The following UPRT variants were observed in gnomAD, a reference collection of about 807,000 sequenced individuals.
UPRT encodes the protein uracil phosphoribosyltransferase homolog.
UPRT carries 5 observed loss-of-function variants against 22.6 expected under a neutral mutation model. That is an observed-to-expected ratio of 0.22 (90% CI 0.12 to 0.47). UPRT has a LOEUF of 0.47. UPRT is among the 20% of genes least tolerant of loss of function. The probability of loss-of-function intolerance (pLI) is 0.99; values close to 1 mark genes in which losing one functional copy is unlikely to be tolerated. For synonymous variants in UPRT, 77 were observed against 87.7 expected (o/e 0.88, Z 0.68); for missense variants, 181 against 239.9 (o/e 0.75, Z 1.62).
At chrX:75,200,285 A>G (rs772497138) in intron 4 of UPRT, among the ~76,000 whole-genome samples, 1 of 112,508 alleles carries the variant, frequency 8.9e-6, no homozygotes, top group South Asian at 3.7e-4. Flanking sequence ...TACAAGGTAC[A>G]TATTGCTGTC....
chrX:75,239,687 G>A (rs1193893728), intron 4 of UPRT, among the ~76,000 whole-genome samples: 1 of 111,375 alleles, frequency 9.0e-6, no homozygotes, highest in Non-Finnish European at 1.9e-5. Context: ...GAACATAGAT[G>A]TAAATATCCT....
intron 4 of UPRT, among the ~76,000 whole-genome samples, chrX:75,252,805 A>G (rs991583170): frequency 1.9e-4 from 21 of 112,497 alleles, no homozygotes; most frequent in Non-Finnish European, 3.9e-4. Context: ...ATGTCCAACA[A>G]TGATAGACTA....
intron 2 of UPRT, 70 bp downstream of exon 2, chrX:75,293,584 A>G (rs954599724): frequency 1.5e-5 from 16 of 1,068,921 alleles, no homozygotes; most frequent in Non-Finnish European, 1.4e-5. Flanking sequence ...ACCAAGGGAT[A>G]TTTTTGTTCT....
intron 4 of UPRT, among the ~76,000 whole-genome samples, chrX:75,298,046 A>T (rs1295614713): frequency 1.9e-5 from 2 of 107,015 alleles, no homozygotes; most frequent in Non-Finnish European, 3.8e-5. Context: ...TGGCGTGATC[A>T]TAGCTCGCTG....
At chrX:75,179,053 G>A (rs1051244809) in intron 4 of UPRT, among the ~76,000 whole-genome samples, 9 of 111,745 alleles carry the variant, frequency 8.1e-5, no homozygotes, top group Admixed American at 3.8e-4. Flanking sequence ...CGACACACAG[G>A]TTCTCTAAGG....
chrX:75,178,000 G>A (rs1237464372), intron 4 of UPRT, among the ~76,000 whole-genome samples: 4 of 112,479 alleles, frequency 3.6e-5, no homozygotes, highest in East Asian at 2.8e-4. Context: ...ATAGATGGGC[G>A]AGTCTCGCTT....
intron 4 of UPRT, among the ~76,000 whole-genome samples, chrX:75,200,961 C>A (rs191732841): frequency 0.01 from 1,148 of 111,762 alleles, 64 homozygotes; most frequent in Admixed American, 0.099. Context: ...ACAAAACAAA[C>A]AAACAAAAAA....
At chrX:75,210,562 T>C (rs1351650998) in intron 4 of UPRT, among the ~76,000 whole-genome samples, 1 of 98,683 alleles carries the variant, frequency 1.0e-5, no homozygotes, top group Non-Finnish European at 2.0e-5. Context: ...AAAAGGGGGT[T>C]GGGTGTGAGA....
At chrX:75,302,456 G>A (rs1420809682) in intron 6 of UPRT, among the ~76,000 whole-genome samples, 1 of 110,699 alleles carries the variant, frequency 9.0e-6, no homozygotes, top group African/African-American at 3.3e-5. Context: ...TAGTTTGACA[G>A]GGTAATTAAA....
chrX:75,287,787 AC>A, intron 1 of UPRT, among the ~76,000 whole-genome samples: 1 of 111,587 alleles, frequency 9.0e-6, no homozygotes. Context: ...GAAAAAACTA[AC>A]CCCAAAGCTA....
intron 4 of UPRT, among the ~76,000 whole-genome samples, chrX:75,168,560 C>T (rs1228037468): frequency 3.6e-5 from 4 of 111,014 alleles, no homozygotes; most frequent in Non-Finnish European, 7.6e-5. Flanking sequence ...CGGAGTTTCG[C>T]TCTTTGTTGC....
intron 4 of UPRT, among the ~76,000 whole-genome samples, chrX:75,234,211 G>A (rs1378569831): frequency 9.0e-6 from 1 of 111,291 alleles, no homozygotes; most frequent in African/African-American, 3.3e-5. Flanking sequence ...AATGGTAAAG[G>A]GATCGATTCA....
intron 4 of UPRT, among the ~76,000 whole-genome samples, chrX:75,182,658 C>T (rs145924960): frequency 0.011 from 1,262 of 111,652 alleles, 15 homozygotes; most frequent in African/African-American, 0.039. Flanking sequence ...ATAACAGTCT[C>T]TCTGTGTTTT....
At chrX:75,243,999 C>G (rs1041029446) in intron 4 of UPRT, among the ~76,000 whole-genome samples, 28 of 111,568 alleles carry the variant, frequency 2.5e-4, no homozygotes, top group Admixed American at 2.1e-3. Flanking sequence ...TGAAAAGATG[C>G]ACAGGTTTTC....
intron 4 of UPRT, among the ~76,000 whole-genome samples, chrX:75,191,994 T>G (rs973109722): frequency 9.0e-6 from 1 of 111,202 alleles, no homozygotes; most frequent in Non-Finnish European, 1.9e-5. Context: ...CATGCCCCAG[T>G]GAGATGAACC....
chrX:75,273,367 C>T (rs1313003570), upstream of UPRT, among the ~76,000 whole-genome samples: 1 of 110,734 alleles, frequency 9.0e-6, no homozygotes, highest in East Asian at 2.8e-4. Context: ...CATCTCGGAT[C>T]TACAGAATCA....
chrX:75,227,389 T>A (rs958221904), intron 4 of UPRT, among the ~76,000 whole-genome samples: 1 of 111,490 alleles, frequency 9.0e-6, no homozygotes, highest in Non-Finnish European at 1.9e-5. Context: ...GGTCAGAACT[T>A]CAGTATTCCA....
chrX:75,233,492 A>G (rs2082447414), intron 4 of UPRT, among the ~76,000 whole-genome samples: 1 of 110,353 alleles, frequency 9.1e-6, no homozygotes. Flanking sequence ...TGTCAGATTC[A>G]CCAAAGTTGA....
intron 4 of UPRT, among the ~76,000 whole-genome samples, chrX:75,240,344 C>T (rs1367581796): frequency 9.0e-6 from 1 of 111,187 alleles, no homozygotes; most frequent in African/African-American, 3.3e-5. Context: ...ACCCCTTATA[C>T]AACAGCTGCA....
Sources: allele counts gnomAD v4.1 joint callset (sites outside exome capture counted in the v4.1 genomes callset), GRCh38; gene constraint gnomAD v4.1.1; transcripts MANE v1.5; gene names NCBI Gene and HGNC (gene_info 2026-07-23, HGNC 2026-07-21).